The following GPC5 variants were observed in gnomAD, a reference collection of about 807,000 sequenced individuals.
GPC5 encodes glypican 5, also known as glypican-5.
GPC5 carries 47 observed loss-of-function variants against 53.9 expected under a neutral mutation model. The ratio of observed to expected loss-of-function variants is 0.87; its 90% CI spans 0.69 to 1.11. GPC5 has a LOEUF of 1.11. Among genes scored for constraint, GPC5 ranks in the 50% most tolerant of loss-of-function variants. GPC5 has a pLI of 0.00. For missense variants in GPC5, 748 were observed against 713.1 expected (o/e 1.05, Z -0.56); for synonymous variants, 286 against 263.3 (o/e 1.09, Z -0.84).
At chr13:92,566,912 C>T (rs1175025744) in intron 7 of GPC5, among the ~76,000 whole-genome samples, 2 of 151,934 alleles carry the variant, frequency 1.3e-5, no homozygotes, top group African/African-American at 4.8e-5. Flanking sequence ...TGCTTTTTTG[C>T]TATTATTGAC....
At chr13:91,694,772 G>A (rs935851405) in intron 3 of GPC5, among the ~76,000 whole-genome samples, 5 of 152,162 alleles carry the variant, frequency 3.3e-5, no homozygotes, top group African/African-American at 1.2e-4. Flanking sequence ...TCATAAATTA[G>A]CTTTAAGCAG....
chr13:91,533,795 A>G (rs997531859), intron 2 of GPC5, among the ~76,000 whole-genome samples: 3 of 152,226 alleles, frequency 2.0e-5, no homozygotes, highest in African/African-American at 7.2e-5. Flanking sequence ...AGGTACTTGA[A>G]TCATGTATGT....
intron 7 of GPC5, among the ~76,000 whole-genome samples, chr13:92,588,229 T>C (rs1268020777): frequency 3.9e-5 from 6 of 152,218 alleles, no homozygotes; most frequent in African/African-American, 9.6e-5. Context: ...TCCAGCTTCA[T>C]CCATGTCTCT....
intron 7 of GPC5, among the ~76,000 whole-genome samples, chr13:92,541,484 A>C (rs1446135084): frequency 2.0e-5 from 3 of 151,720 alleles, no homozygotes; most frequent in Non-Finnish European, 4.4e-5. Context: ...GTGCCTGTTA[A>C]ATTCTTTTTA....
At chr13:91,742,506 A>G (rs1426637664) in intron 4 of GPC5, among the ~76,000 whole-genome samples, 2 of 152,196 alleles carry the variant, frequency 1.3e-5, no homozygotes, top group African/African-American at 4.8e-5. Flanking sequence ...AGAAAATTAT[A>G]TTATGCACAC....
intron 5 of GPC5, among the ~76,000 whole-genome samples, chr13:91,852,659 T>C (rs2038927320): frequency 6.6e-6 from 1 of 152,060 alleles, no homozygotes; most frequent in Admixed American, 6.6e-5. Context: ...GAGTATGTCT[T>C]CTCTTTTTAG....
At chr13:92,477,284 A>G (rs1879186640) in intron 7 of GPC5, among the ~76,000 whole-genome samples, 1 of 152,108 alleles carries the variant, frequency 6.6e-6, no homozygotes, top group Non-Finnish European at 1.5e-5. Context: ...GTAATCCCAC[A>G]TAACCTTATT....
intron 7 of GPC5, among the ~76,000 whole-genome samples, chr13:92,195,654 GAA>G: frequency 6.6e-6 from 1 of 152,168 alleles, no homozygotes. Flanking sequence ...AATCATAACT[GAA>G]GCTAGATGAC....
Position 91,917,958 on chromosome 13 carries a change from C to T in GPC5, c.1401+9901C>T, listed in dbSNP as rs537404498. 5.5e-4 allele frequency among the ~76,000 whole-genome samples: 84 copies of T among 152,294 alleles called. 1 individual carries two copies. The highest frequency in any genetic ancestry group is 3.4e-3 in the Middle Eastern group (1 of 294). ...ATTTTCGGGTATATCTTTACAGCAGCGCCTCACTACCTTGGTACCAATTTT... is the reference window on the plus strand; with the variant it reads ...ATTTTCGGGTATATCTTTACAGCAGTGCCTCACTACCTTGGTACCAATTTT... On this transcript the variant is annotated intron_variant, in intron 6 of 7. Transcript: ENST00000377067.
chr13:92,588,681 G>A (rs1883621409), intron 7 of GPC5, among the ~76,000 whole-genome samples: 1 of 152,130 alleles, frequency 6.6e-6, no homozygotes, highest in Non-Finnish European at 1.5e-5. Flanking sequence ...ATGAAATATA[G>A]AACTATGTAG....
chr13:92,169,768 T>G (rs994614569), intron 7 of GPC5, among the ~76,000 whole-genome samples: 1 of 152,072 alleles, frequency 6.6e-6, no homozygotes, highest in Admixed American at 6.5e-5. Flanking sequence ...AAAAATTATT[T>G]TATAATTTGA....
intron 5 of GPC5, among the ~76,000 whole-genome samples, chr13:91,811,550 T>C (rs1258967113): frequency 6.6e-6 from 1 of 152,172 alleles, no homozygotes; most frequent in Non-Finnish European, 1.5e-5. Flanking sequence ...ATAAACTGTG[T>C]TATTACAACG....
chr13:92,221,547 C>G (rs756147379), intron 7 of GPC5, among the ~76,000 whole-genome samples: 12 of 152,108 alleles, frequency 7.9e-5, no homozygotes, highest in Non-Finnish European at 1.6e-4. Context: ...GGGCCACTTC[C>G]TCTCCCTAAG....
chr13:91,921,100 C>A (rs1464641909), intron 6 of GPC5, among the ~76,000 whole-genome samples: 1 of 151,810 alleles, frequency 6.6e-6, no homozygotes, highest in East Asian at 1.9e-4. Context: ...TCATGCCTGG[C>A]TAATTTTTGT....
At chr13:92,417,399 G>A (rs1594184609) in intron 7 of GPC5, among the ~76,000 whole-genome samples, 1 of 152,084 alleles carries the variant, frequency 6.6e-6, no homozygotes, top group Non-Finnish European at 1.5e-5. Flanking sequence ...CACTGCTGGT[G>A]GAAATATAAA....
At chr13:91,572,680 A>G (rs1441641593) in intron 2 of GPC5, among the ~76,000 whole-genome samples, 2 of 152,104 alleles carry the variant, frequency 1.3e-5, no homozygotes, top group Admixed American at 6.6e-5. Context: ...CCATGACTCA[A>G]CACCATCCAC....
At chr13:92,623,349 T>C (rs1488634776) in intron 7 of GPC5, among the ~76,000 whole-genome samples, 1 of 152,174 alleles carries the variant, frequency 6.6e-6, no homozygotes, top group Admixed American at 6.5e-5. Flanking sequence ...TTTTGGAACA[T>C]AGGCTGCTAT....
chr13:92,541,574 T>A (rs79998694), intron 7 of GPC5, among the ~76,000 whole-genome samples: 1 of 112,126 alleles, frequency 8.9e-6, no homozygotes, highest in African/African-American at 2.6e-5. Flanking sequence ...TAGAAATAGC[T>A]TTTTTTTGCT....
At chr13:92,298,169 G>A (rs532056948) in intron 7 of GPC5, among the ~76,000 whole-genome samples, 5 of 152,206 alleles carry the variant, frequency 3.3e-5, no homozygotes, top group African/African-American at 9.6e-5. Context: ...CACTCCTGCC[G>A]TGCCCCCTCG....
Sources: gnomAD v4.1 joint callset for allele counts (sites outside exome capture counted in the v4.1 genomes callset) on GRCh38, gnomAD v4.1.1 for gene constraint, MANE v1.5 for transcripts, NCBI Gene and HGNC (gene_info 2026-07-23, HGNC 2026-07-21) for gene names.